The following FSTL4 variants were observed in gnomAD, a reference collection of about 807,000 sequenced individuals.
FSTL4 encodes the protein follistatin like 4, also known as follistatin-related protein 4.
A neutral mutation model predicts 78.2 loss-of-function variants in FSTL4; 28 were observed. That is an observed-to-expected ratio of 0.36 (90% CI 0.27 to 0.49). FSTL4 has a LOEUF of 0.49. Ranked by LOEUF, FSTL4 falls within the 20% of genes least tolerant of loss-of-function variation. The pLI is 0.98. For missense variants in FSTL4, 922 were observed against 1,084.9 expected (o/e 0.85, Z 2.11); for synonymous variants, 422 against 440.5 (o/e 0.96, Z 0.53).
intron 3 of FSTL4, among the ~76,000 whole-genome samples, chr5:133,491,528 T>A (rs925027675): frequency 2.0e-5 from 3 of 151,652 alleles, no homozygotes; most frequent in Non-Finnish European, 2.9e-5. Context: ...GCCTCCAGAG[T>A]AGCTGGGACT....
the FSTL4 span, among the ~76,000 whole-genome samples, chr5:133,800,137 T>C: frequency 2.2e-5 from 3 of 138,524 alleles, 1 homozygote; most frequent in East Asian, 5.9e-4. Context: ...TCCAGGATGA[T>C]TTAGGGAAAG....
At chr5:133,788,302 C>T in the FSTL4 span, among the ~76,000 whole-genome samples, 1 of 152,242 alleles carries the variant, frequency 6.6e-6, no homozygotes, top group Non-Finnish European at 1.5e-5. Flanking sequence ...CTCTTCGCTT[C>T]GGTTTCCGTG....
the FSTL4 span, among the ~76,000 whole-genome samples, chr5:133,659,651 C>T: frequency 6.6e-6 from 1 of 151,120 alleles, no homozygotes; most frequent in Non-Finnish European, 1.5e-5. Flanking sequence ...TTTATTTCTG[C>T]TTTTTTTATG....
At chr5:133,256,167 G>A (rs2115064) in intron 6 of FSTL4, among the ~76,000 whole-genome samples, 83,042 of 152,022 alleles carry the variant, frequency 0.55, 24,131 homozygotes, top group East Asian at 0.85. Context: ...CAGGCTCAGG[G>A]GCCTGCTTGG....
At chr5:133,205,939 G>A (rs1031822834) in intron 14 of FSTL4, among the ~76,000 whole-genome samples, 6 of 152,036 alleles carry the variant, frequency 3.9e-5, no homozygotes, top group African/African-American at 1.4e-4. Flanking sequence ...ACAAACTAGC[G>A]CAACCCCACA....
the FSTL4 span, among the ~76,000 whole-genome samples, chr5:133,767,507 C>T: frequency 0.021 from 3,208 of 152,220 alleles, 129 homozygotes; most frequent in African/African-American, 0.073. Context: ...TGCATCTATG[C>T]TAGGGAGTTT....
intron 3 of FSTL4, among the ~76,000 whole-genome samples, chr5:133,551,805 A>G (rs550726288): frequency 1.2e-4 from 19 of 152,350 alleles, no homozygotes; most frequent in African/African-American, 4.3e-4. Context: ...ACAAAATATC[A>G]GTTGGAAATA....
intron 4 of FSTL4, among the ~76,000 whole-genome samples, chr5:133,377,009 G>A (rs1368397676): frequency 6.6e-6 from 1 of 152,056 alleles, no homozygotes; most frequent in African/African-American, 2.4e-5. Context: ...GCTTCATTCT[G>A]GATGGAAGTG....
At chr5:133,469,233 A>T (rs573822925) in intron 3 of FSTL4, among the ~76,000 whole-genome samples, 1 of 152,300 alleles carries the variant, frequency 6.6e-6, no homozygotes, top group East Asian at 1.9e-4. Context: ...GATCAAGGTG[A>T]TAGATTCTCC....
intron 4 of FSTL4, among the ~76,000 whole-genome samples, chr5:133,354,886 A>C (rs1450949904): frequency 1.3e-5 from 2 of 152,186 alleles, no homozygotes; most frequent in Non-Finnish European, 2.9e-5. Context: ...CATGTGTGGG[A>C]TGAGGAATGT....
chr5:133,667,418 A>G, the FSTL4 span, among the ~76,000 whole-genome samples: 135 of 152,354 alleles, frequency 8.9e-4, no homozygotes, highest in African/African-American at 3.1e-3. Flanking sequence ...TAAAACATAA[A>G]GATGATGTCA....
At chr5:133,259,325 A>G (rs1752458050) in intron 6 of FSTL4, among the ~76,000 whole-genome samples, 1 of 151,916 alleles carries the variant, frequency 6.6e-6, no homozygotes, top group African/African-American at 2.4e-5. Flanking sequence ...AAAGGTCTTG[A>G]GGCAGGGTGG....
At chr5:133,515,619 T>C (rs954303664) in intron 3 of FSTL4, among the ~76,000 whole-genome samples, 3 of 151,536 alleles carry the variant, frequency 2.0e-5, no homozygotes, top group African/African-American at 7.3e-5. Context: ...TATAAATAGG[T>C]TAAATCTTCC....
At chr5:133,282,730 T>C (rs981087371) in intron 6 of FSTL4, among the ~76,000 whole-genome samples, 1 of 152,066 alleles carries the variant, frequency 6.6e-6, no homozygotes, top group Non-Finnish European at 1.5e-5. Flanking sequence ...ATCTGGTCAA[T>C]GGGAACTGCC....
intron 3 of FSTL4, among the ~76,000 whole-genome samples, chr5:133,522,117 C>T (rs965488522): frequency 6.6e-6 from 1 of 152,114 alleles, no homozygotes; most frequent in African/African-American, 2.4e-5. Flanking sequence ...CTATGAGGAG[C>T]AAGAATTCTA....
chr5:133,525,279 G>A (rs929038676), intron 3 of FSTL4, among the ~76,000 whole-genome samples: 1 of 152,204 alleles, frequency 6.6e-6, no homozygotes, highest in Admixed American at 6.5e-5. Flanking sequence ...GATGAGGGCT[G>A]GGTTGTTTCC....
At chr5:133,667,237 G>GC in the FSTL4 span, among the ~76,000 whole-genome samples, 152,302 of 152,304 alleles carry the variant, frequency 1, 76,150 homozygotes, top group Middle Eastern at 1. Flanking sequence ...AATTCTGCTG[G>GC]CACCCCTCAA....
At chr5:133,818,356 A>G in the FSTL4 span, among the ~76,000 whole-genome samples, 9 of 152,308 alleles carry the variant, frequency 5.9e-5, no homozygotes, top group Admixed American at 5.9e-4. Context: ...CCAGTACTGA[A>G]GGCCTGGGTC....
chr5:133,481,048 G>C (rs375401867), intron 3 of FSTL4, among the ~76,000 whole-genome samples: 1 of 152,178 alleles, frequency 6.6e-6, no homozygotes, highest in East Asian at 1.9e-4. Flanking sequence ...GGAAGGGACC[G>C]TGGCTGTTGG....
Sources: allele counts gnomAD v4.1 joint callset (sites outside exome capture counted in the v4.1 genomes callset), GRCh38; gene constraint gnomAD v4.1.1; transcripts MANE v1.5; gene names NCBI Gene and HGNC (gene_info 2026-07-23, HGNC 2026-07-21).